Variants in RPAP2 observed in about 807,000 individuals in gnomAD.
The protein encoded by RPAP2 is putative RNA polymerase II subunit B1 CTD phosphatase RPAP2.
A neutral mutation model predicts 73.1 loss-of-function variants in RPAP2; 52 were observed. That is an observed-to-expected ratio of 0.71 (90% CI 0.57 to 0.90). The LOEUF (loss-of-function observed/expected upper bound fraction) is 0.90. RPAP2 is among the 40% of genes least tolerant of loss of function. The probability of loss-of-function intolerance (pLI) is 0.00; values close to 1 mark genes in which losing one functional copy is unlikely to be tolerated. For missense variants in RPAP2, 598 were observed against 701.8 expected (o/e 0.85, Z 1.67); for synonymous variants, 225 against 242.1 (o/e 0.93, Z 0.65).
intron 10 of RPAP2, among the ~76,000 whole-genome samples, 195 bp downstream of exon 10, chr1:92,336,622 A>G (rs1271180656): frequency 6.6e-6 from 1 of 152,178 alleles, no homozygotes; most frequent in East Asian, 1.9e-4. Flanking sequence ...TGCTCAAGCC[A>G]TTATATATTT....
chr1:92,333,473 TG>T lies in RPAP2; in HGVS notation c.1538+1del, dbSNP rs762896874. The T allele has an allele frequency of 1.4e-5, 22 of 1,604,860 alleles. No individual in the cohort carries two copies. In the Admixed American group the frequency reaches 3.7e-4, roughly 27 times the overall value. On this transcript the variant is annotated splice_donor_variant, in intron 9 of 12. Transcript: ENST00000610020. LOFTEE classifies it high-confidence loss of function. ...ATCGTACTTGAAAAGTTGAGTAAAG[TG>T]TAAGTATGTAATTGCCATTCCAGCT...
chr1:92,373,660 C>A (rs909767576), intron 11 of RPAP2, among the ~76,000 whole-genome samples: 1 of 144,312 alleles, frequency 6.9e-6, no homozygotes, highest in Admixed American at 7.4e-5. Context: ...CTTTGGGAGG[C>A]CAGGGCAGGC....
chr1:92,389,848 AAG>A lies in RPAP2; in HGVS notation c.*2840_*2841del, dbSNP rs1485747690. ...AGCGAGAGGACAAGATTAGAGAAAA[AAG>A]AGTGAAAAGAAATGAACAAAGCCTC... On this transcript the variant is annotated 3_prime_UTR_variant, in exon 13 of 13. Coordinates refer to ENST00000610020, the MANE Select transcript of RPAP2 (RefSeq NM_024813.3). 2 of 152,236 alleles carry A rather than the reference AAG, an allele frequency of 1.3e-5. No individual in the cohort carries two copies. Among genetic ancestry groups the A allele is most frequent in the Admixed American group, 6.5e-5 (1 of 15,284 alleles). 9.4% of individuals were successfully genotyped at this position (152,236 alleles called of 1,614,324 possible).
intron 12 of RPAP2, among the ~76,000 whole-genome samples, chr1:92,386,283 G>A (rs1190047724): frequency 6.6e-6 from 1 of 152,180 alleles, no homozygotes; most frequent in Non-Finnish European, 1.5e-5. Flanking sequence ...AGCCATTGGG[G>A]GATATCTTAG....
chr1:92,324,408 C>A, intron 8 of RPAP2, 33 bp downstream of exon 8: 2 of 1,503,534 alleles, frequency 1.3e-6, no homozygotes, highest in South Asian at 1.2e-5. Flanking sequence ...TTTTCCAGAT[C>A]GTTAACATTT....
chr1:92,373,737 AAT>A lies in RPAP2; in HGVS notation c.1689-6985_1689-6984del, dbSNP rs1383458407. ...ATGGTGAAACCCCGTCTCTACTAAA[AAT>A]AAAAAAAAAAAAAAAAAAAAAAAAA... On this transcript the variant is annotated intron_variant, in intron 11 of 12. Transcript: ENST00000610020. Among the ~76,000 whole-genome samples, 524 of 112,970 alleles carry A rather than the reference AAT, an allele frequency of 4.6e-3. 88 individuals are homozygous for A. Among genetic ancestry groups the A allele is most frequent in the African/African-American group, 0.021 (429 of 19,978 alleles). The allele number at this position is 112,970 out of a possible 152,430, so 74.1% of individuals were successfully genotyped here.
chr1:92,365,974 G>A (rs1654918317), intron 11 of RPAP2, among the ~76,000 whole-genome samples: 1 of 152,038 alleles, frequency 6.6e-6, no homozygotes, highest in African/African-American at 2.4e-5. Flanking sequence ...CAACAAGTCA[G>A]TCTCATAAAA....
intron 11 of RPAP2, among the ~76,000 whole-genome samples, chr1:92,377,093 T>C (rs1430632209): frequency 6.6e-6 from 1 of 152,172 alleles, no homozygotes; most frequent in East Asian, 1.9e-4. Flanking sequence ...CTCTACAGTA[T>C]CCCATTTGAG....
chr1:92,380,390 T>G (rs541876563), intron 11 of RPAP2, among the ~76,000 whole-genome samples: 27 of 152,316 alleles, frequency 1.8e-4, no homozygotes, highest in Non-Finnish European at 3.5e-4. Flanking sequence ...TTTAAAGCAA[T>G]TCTCAGCTCT....
rs201493847 is a variant in RPAP2 at position 92,303,758 on chromosome 1, A to AT, written c.235-212dup. Reference sequence around the variant, plus strand: ...AGATGCAGAGACTACTGTGGCAGAAATTTTTTTAATAATAACTTTTTTTTT... The same window carrying AT: ...AGATGCAGAGACTACTGTGGCAGAAATTTTTTTTAATAATAACTTTTTTTTT... On this transcript the variant is annotated intron_variant, in intron 3 of 12. Transcript: ENST00000610020. Among the ~76,000 whole-genome samples, 1,214 of 152,238 alleles carry AT rather than the reference A, an allele frequency of 8.0e-3. 14 individuals carry two copies. The highest frequency in any genetic ancestry group is 0.028 in the African/African-American group (1,153 of 41,552).
At position 92,388,811 on chromosome 1, in the gene RPAP2, C is replaced by G. The variant is rs74811545; in HGVS notation, c.*1800C>G. On this transcript the variant is annotated 3_prime_UTR_variant, in exon 13 of 13. Coordinates refer to ENST00000610020, the MANE Select transcript of RPAP2 (RefSeq NM_024813.3). ...ATCGACCTGGGACGTGGGAGCTTGGCGGGGTAGAGGTGTCCGCCATTGCTG... is the reference window on the plus strand; with the variant it reads ...ATCGACCTGGGACGTGGGAGCTTGGGGGGGTAGAGGTGTCCGCCATTGCTG... 0.024 allele frequency: 3,598 copies of G among 152,402 alleles called. 99 individuals are homozygous for G. The highest frequency in any genetic ancestry group is 0.066 in the African/African-American group (2,748 of 41,554). 9.4% of individuals were successfully genotyped at this position (152,402 alleles called of 1,614,324 possible). A position where few individuals can be genotyped will look rare whatever the true frequency, so the allele number is the denominator to read the frequency against.
chr1:92,304,028 A>G lies in RPAP2; in HGVS notation c.286A>G (p.Ile96Val), dbSNP rs761315297. 27 of 1,613,124 alleles carry G rather than the reference A, an allele frequency of 1.7e-5. No homozygotes were observed. The highest frequency in any genetic ancestry group is 2.2e-5 in the East Asian group (1 of 44,818). ...CAGTGATGTCGTGGATGAACGTTCTATTGTCAAACTCTGTGGTTATCCTTT... is the reference window on the plus strand; with the variant it reads ...CAGTGATGTCGTGGATGAACGTTCTGTTGTCAAACTCTGTGGTTATCCTTT... ...HYSDVVDERS[I>V]VKLCGYPLCQ... The change falls in exon 4 of 13, where the codon ATT becomes GTT. Residue 96 changes from isoleucine to valine, a missense_variant. Around this residue, in one of 3 missense-constraint regions of RPAP2, gnomAD observed 506 missense variants for 612.8 expected, o/e 0.83. Transcript: ENST00000610020.
At position 92,366,576 on chromosome 1, in the gene RPAP2, C is replaced by T. The variant is rs182881347; in HGVS notation, c.1689-14148C>T. On this transcript the variant is annotated intron_variant, in intron 11 of 12. Coordinates refer to ENST00000610020, the MANE Select transcript of RPAP2 (RefSeq NM_024813.3). Reference sequence around the variant, plus strand: ...GGGCCACATGTGAGACAGATGTTTTCGGTGTCTCACTAATGGAGTTGAATC... The same window carrying T: ...GGGCCACATGTGAGACAGATGTTTTTGGTGTCTCACTAATGGAGTTGAATC... 5.3e-5 allele frequency among the ~76,000 whole-genome samples: 8 copies of T among 152,180 alleles called. No individual in the cohort carries two copies. In the East Asian group the frequency reaches 9.6e-4, roughly 18 times the overall value.
intron 11 of RPAP2, among the ~76,000 whole-genome samples, chr1:92,354,410 G>A (rs1012846287): frequency 1.3e-5 from 2 of 152,162 alleles, no homozygotes; most frequent in African/African-American, 4.8e-5. Flanking sequence ...CTGCCAAGCT[G>A]TTCTATAGAT....
At chr1:92,365,837 C>A (rs767761555) in intron 11 of RPAP2, among the ~76,000 whole-genome samples, 1 of 152,224 alleles carries the variant, frequency 6.6e-6, no homozygotes, top group East Asian at 1.9e-4. Context: ...TGTGGTCTAG[C>A]GGTTAGAAGT....
intron 11 of RPAP2, among the ~76,000 whole-genome samples, chr1:92,353,176 A>G (rs1654299621): frequency 6.6e-6 from 1 of 152,134 alleles, no homozygotes; most frequent in African/African-American, 2.4e-5. Context: ...TTTTTGTGTG[A>G]GCATATGTTT....
At chr1:92,314,430 A>G (rs1324395466) in intron 6 of RPAP2, among the ~76,000 whole-genome samples, 1 of 151,940 alleles carries the variant, frequency 6.6e-6, no homozygotes, top group Non-Finnish European at 1.5e-5. Context: ...CATCTGTGCA[A>G]TTGAAATGGA....
At chr1:92,311,749 T>A (rs1454206432) in intron 6 of RPAP2, among the ~76,000 whole-genome samples, 1 of 152,230 alleles carries the variant, frequency 6.6e-6, no homozygotes, top group African/African-American at 2.4e-5. Flanking sequence ...ATCATGGATT[T>A]TGTTTCCCAG....
At chr1:92,334,686 A>T (rs1653169492) in intron 9 of RPAP2, among the ~76,000 whole-genome samples, 1 of 152,150 alleles carries the variant, frequency 6.6e-6, no homozygotes, top group South Asian at 2.1e-4. Context: ...CATCTCTACA[A>T]AAATAAAAAT....
Sources: gnomAD v4.1 joint callset for allele counts (sites outside exome capture counted in the v4.1 genomes callset) on GRCh38, gnomAD v4.1.1 for gene constraint, gnomAD v4.1.1 regional missense constraint, MANE v1.5 for transcripts, NCBI Gene and HGNC (gene_info 2026-07-23, HGNC 2026-07-21) for gene names.